The following LACTB variants were observed in gnomAD, a reference collection of about 807,000 sequenced individuals.
The protein encoded by LACTB is serine beta-lactamase-like protein LACTB, mitochondrial.
In LACTB, 35 loss-of-function variants were observed where a neutral mutation model predicts 50.2. The observed-to-expected ratio is 0.70, with a 90% CI of 0.53 to 0.92. The LOEUF is 0.92. LACTB is among the 40% of genes least tolerant of loss of function. The pLI, the probability that LACTB is intolerant of heterozygous loss-of-function variation, is 0.00. For synonymous variants in LACTB, 252 were observed against 268.2 expected (o/e 0.94, Z 0.59); for missense variants, 664 against 691.8 (o/e 0.96, Z 0.45).
chr15:63,127,238 AT>A, intron 3 of LACTB, 114 bp from the exon 4 acceptor site: 1 of 1,008,052 alleles, frequency 9.9e-7, no homozygotes, highest in Non-Finnish European at 1.4e-6. Context: ...TGTACATGAC[AT>A]TTTCCCAGCA....
intron 1 of LACTB, 78 bp from the exon 2 acceptor site, chr15:63,122,558 C>T: frequency 2.6e-6 from 3 of 1,137,862 alleles, no homozygotes; most frequent in Non-Finnish European, 4.0e-6. Flanking sequence ...GGGGGCGGGG[C>T]CTTGGAAGGT....
intron 4 of LACTB, 97 bp downstream of exon 4, chr15:63,127,786 G>A: frequency 1.2e-6 from 1 of 839,084 alleles, no homozygotes; most frequent in Non-Finnish European, 1.8e-6. Context: ...ATTCATTGAG[G>A]TTGATGATTG....
At chr15:63,126,769 C>A in intron 2 of LACTB, 90 bp from the exon 3 acceptor site, 1 of 675,272 alleles carries the variant, frequency 1.5e-6, no homozygotes, top group South Asian at 3.4e-5. Context: ...ATAAACACAG[C>A]ATGTTTAAAG....
At chr15:63,139,204 A>C (rs2037204602) in intron 5 of LACTB, among the ~76,000 whole-genome samples, 2 of 150,644 alleles carry the variant, frequency 1.3e-5, no homozygotes, top group Non-Finnish European at 1.5e-5. Flanking sequence ...CAAAAAAAAA[A>C]AAAAAAAAAA....
rs1210958016 is a variant in LACTB at position 63,125,172 on chromosome 15, T to TTTA, written c.425-1684_425-1682dup. Among the ~76,000 whole-genome samples the TTTA allele has an allele frequency of 4.6e-5, 3 of 64,886 alleles. No individual in the cohort carries two copies. The East Asian group carries it at 0.011, about 228-fold the overall frequency. 42.6% of individuals were successfully genotyped at this position (64,886 alleles called of 152,430 possible). ...CTGTGTCTCTATAAAAAAAATTTTA[T>TTTA]TTATTTATTTTTTTTTTGGAGTTTC... On this transcript the variant is annotated intron_variant, in intron 2 of 5. Coordinates refer to ENST00000261893, the MANE Select transcript of LACTB (RefSeq NM_032857.5).
chr15:63,122,354 C>T, intron 1 of LACTB, 126 bp downstream of exon 1: 2 of 851,024 alleles, frequency 2.4e-6, no homozygotes, highest in Non-Finnish European at 3.5e-6. Context: ...AGAAAGACTT[C>T]CCATTTCCCC....
chr15:63,124,983 C>T (rs1038215381), intron 2 of LACTB, among the ~76,000 whole-genome samples: 2 of 151,360 alleles, frequency 1.3e-5, no homozygotes, highest in Admixed American at 6.6e-5. Context: ...TTTCATATGC[C>T]ATTTAAAGGC....
intron 2 of LACTB, among the ~76,000 whole-genome samples, chr15:63,125,444 A>G (rs2037039292): frequency 6.6e-6 from 1 of 152,168 alleles, no homozygotes; most frequent in African/African-American, 2.4e-5. Flanking sequence ...CTGGGATTAC[A>G]GGCGTGAGCC....
At chr15:63,127,193 G>A in intron 3 of LACTB, 144 bp downstream of exon 3, 1 of 916,668 alleles carries the variant, frequency 1.1e-6, no homozygotes, top group Non-Finnish European at 1.6e-6. Context: ...ATGATAATCA[G>A]GTAGGTATTT....
chr15:63,139,493 A>G (rs1028496045), intron 5 of LACTB, among the ~76,000 whole-genome samples: 2 of 152,020 alleles, frequency 1.3e-5, no homozygotes, highest in Admixed American at 6.5e-5. Flanking sequence ...CCTCTACTAA[A>G]AATATAAAAG....
intron 5 of LACTB, among the ~76,000 whole-genome samples, chr15:63,137,368 T>C (rs749955496): frequency 6.6e-6 from 1 of 152,232 alleles, no homozygotes; most frequent in Non-Finnish European, 1.5e-5. Context: ...TTTATGTGTT[T>C]GGCACAATGT....
intron 2 of LACTB, among the ~76,000 whole-genome samples, chr15:63,124,542 G>A (rs1031904451): frequency 2.6e-5 from 4 of 151,958 alleles, no homozygotes; most frequent in Non-Finnish European, 5.9e-5. Context: ...CTTAGGGAGA[G>A]GGATTTCTAT....
chr15:63,125,087 A>G (rs1023200689), intron 2 of LACTB, among the ~76,000 whole-genome samples: 1 of 152,168 alleles, frequency 6.6e-6, no homozygotes, highest in Admixed American at 6.5e-5. Context: ...TAGGGAGTCC[A>G]GGGAGGAAGG....
At position 63,141,501 on chromosome 15, in the gene LACTB, T is replaced by C; in HGVS notation, c.1340T>C (p.Val447Ala). The C allele has an allele frequency of 6.2e-7, 1 of 1,614,170 alleles. No homozygotes were observed. The highest frequency in any genetic ancestry group is 2.2e-5 in the East Asian group (1 of 44,892). The change falls in exon 6 of 6, where the codon GTC (valine) becomes GCC (alanine). Residue 447 changes from valine (V) to alanine (A), a missense_variant. Physicochemically the swap from Val to Ala is moderately conservative, Grantham distance 64. Coordinates refer to ENST00000261893, the MANE Select transcript of LACTB (RefSeq NM_032857.5). ...ACAATGGTTATGATGTGGACCCCAG[T>C]CCCTAACACAGAGATGTCTTGGGAT... ...PETMVMMWTP[V>A]PNTEMSWDKE...
intron 2 of LACTB, chr15:63,125,934 G>A (rs2037048616): frequency 6.6e-6 from 1 of 151,108 alleles, no homozygotes; most frequent in South Asian, 2.1e-4. Context: ...GAAATCCTGA[G>A]CTCAAGTAAT....
chr15:63,139,707 C>T (rs1009825007), intron 5 of LACTB, among the ~76,000 whole-genome samples: 6 of 151,262 alleles, frequency 4.0e-5, no homozygotes, highest in African/African-American at 7.3e-5. Context: ...GGTGGCAGCA[C>T]GTGTAATCCC....
chr15:63,141,695 G>A lies in LACTB; in HGVS notation c.1534G>A (p.Val512Ile), dbSNP rs1040866866. The change falls in exon 6 of 6, where the codon GTT becomes ATT. Residue 512 changes from valine to isoleucine, a missense_variant. By Grantham distance (29) the Val-to-Ile change is conservative. Coordinates refer to ENST00000261893, the MANE Select transcript of LACTB (RefSeq NM_032857.5). Reference sequence around the variant, plus strand: ...GGATACAGAGACTATAAATAACAAGGTTCCCCCAAGAGGAATCATTGTTTC... The same window carrying A: ...GGATACAGAGACTATAAATAACAAGATTCCCCCAAGAGGAATCATTGTTTC... ...ELDTETINNK[V>I]PPRGIIVSII... 6.2e-7 allele frequency: 1 copy of A among 1,614,104 alleles called. No individual in the cohort carries two copies. Among genetic ancestry groups the A allele is most frequent in the Non-Finnish European group, 8.5e-7 (1 of 1,180,022 alleles).
chr15:63,122,790 A>G, intron 2 of LACTB, 88 bp downstream of exon 2: 2 of 884,118 alleles, frequency 2.3e-6, no homozygotes, highest in Non-Finnish European at 3.8e-6. Flanking sequence ...ATGAAATGCT[A>G]TTGCATTTAC....
At chr15:63,130,515 G>GAAAAAAAAAAAAAAAAAAAAAA (rs34509023) in intron 5 of LACTB, 1 of 90,850 alleles carries the variant, frequency 1.1e-5, no homozygotes, top group African/African-American at 3.7e-5. Context: ...GTCAAAAAAG[G>GAAAAAAAAAAAAAAAAAAAAAA]AAAAAAAAAA....
Sources: allele counts gnomAD v4.1 joint callset (sites outside exome capture counted in the v4.1 genomes callset), GRCh38; gene constraint gnomAD v4.1.1; transcripts MANE v1.5; gene names NCBI Gene and HGNC (gene_info 2026-07-23, HGNC 2026-07-21).